PREX2: variants seen among roughly 807,000 people sequenced by gnomAD.
The protein encoded by PREX2 is phosphatidylinositol-3,4,5-trisphosphate dependent Rac exchange factor 2.
PREX2 carries 107 observed loss-of-function variants against 203.2 expected under a neutral mutation model. That is an observed-to-expected ratio of 0.53 (90% CI 0.45 to 0.62). The LOEUF is 0.62. Ranked by LOEUF, PREX2 falls within the 20% of genes least tolerant of loss-of-function variation. PREX2 has a pLI of 0.00. For missense variants in PREX2, 1,777 were observed against 1,955.9 expected (o/e 0.91, Z 1.72); for synonymous variants, 672 against 663.6 (o/e 1.01, Z -0.19).
chr8:68,018,003 A>C (rs1047362621), intron 2 of PREX2, 86 bp downstream of exon 2: 52 of 928,820 alleles, frequency 5.6e-5, no homozygotes, highest in Non-Finnish European at 8.1e-5. Context: ...ACAGCCCTTC[A>C]GTTGATCGGC....
chr8:68,026,311 C>T (rs2129610381), intron 4 of PREX2, among the ~76,000 whole-genome samples: 1 of 152,074 alleles, frequency 6.6e-6, no homozygotes, highest in African/African-American at 2.4e-5. Context: ...CTGATCAACA[C>T]TCAGCCTCTC....
chr8:68,105,501 A>C, intron 23 of PREX2: 2 of 1,156,616 alleles, frequency 1.7e-6, no homozygotes, highest in South Asian at 3.6e-5. Context: ...TAGCAAGAGA[A>C]TCTTCTGCCA....
At position 67,975,694 on chromosome 8, in the gene PREX2, C is replaced by CTTTTTTTTT. The variant is rs67614434; in HGVS notation, c.141+23178_141+23186dup. On this transcript the variant is annotated intron_variant, in intron 1 of 39. Coordinates refer to ENST00000288368, the MANE Select transcript of PREX2 (RefSeq NM_024870.4). ...TCAGGATAGTAACTGATTTCTCTTT[C>CTTTTTTTTT]TTTTTTTTTTTTTTTTTTTTTTTTT... Among the ~76,000 whole-genome samples the CTTTTTTTTT allele has an allele frequency of 2.3e-3, 176 of 75,010 alleles. 30 individuals are homozygous for CTTTTTTTTT. Among genetic ancestry groups the CTTTTTTTTT allele is most frequent in the African/African-American group, 6.7e-3 (113 of 16,856 alleles). 49.2% of individuals were successfully genotyped at this position (75,010 alleles called of 152,430 possible).
At chr8:68,095,035 G>C (rs1483512423) in intron 21 of PREX2, 2 of 152,236 alleles carry the variant, frequency 1.3e-5, no homozygotes. Context: ...GCCTGATGAA[G>C]AGATAAATAG....
At chr8:68,047,502 TATATAC>T (rs1472671011) in intron 8 of PREX2, among the ~76,000 whole-genome samples, 6 of 47,646 alleles carry the variant, frequency 1.3e-4, no homozygotes, top group African/African-American at 9.6e-4. Context: ...TATATATATA[TATATAC>T]ACATACATAT....
intron 7 of PREX2, among the ~76,000 whole-genome samples, chr8:68,042,729 C>T (rs1014292165): frequency 2.0e-5 from 3 of 151,986 alleles, no homozygotes; most frequent in Admixed American, 6.6e-5. Flanking sequence ...ATAGGCTTTT[C>T]AGTCTTTAAG....
intron 1 of PREX2, among the ~76,000 whole-genome samples, chr8:67,980,969 CTT>C (rs1289956361): frequency 6.6e-6 from 1 of 152,214 alleles, no homozygotes; most frequent in Non-Finnish European, 1.5e-5. Context: ...TTCTTCATCA[CTT>C]TGTCCATTCA....
chr8:68,172,346 C>T (rs1022821110), intron 35 of PREX2, among the ~76,000 whole-genome samples: 6 of 152,146 alleles, frequency 3.9e-5, no homozygotes, highest in East Asian at 1.9e-4. Flanking sequence ...TAAAGAACTG[C>T]GGGTACTTGC....
At chr8:68,044,315 A>C (rs536544846) in intron 7 of PREX2, among the ~76,000 whole-genome samples, 172 bp from the exon 8 acceptor site, 16 of 152,154 alleles carry the variant, frequency 1.1e-4, no homozygotes, top group Non-Finnish European at 1.9e-4. Flanking sequence ...TCATTAAAGC[A>C]ACCAGTGCTG....
chr8:68,183,251 A>G (rs2129614457), intron 35 of PREX2, among the ~76,000 whole-genome samples: 2 of 152,248 alleles, frequency 1.3e-5, no homozygotes, highest in South Asian at 4.2e-4. Context: ...AAAAGATCCA[A>G]CCCATGAACT....
chr8:68,130,837 A>G (rs1810995125), intron 31 of PREX2, among the ~76,000 whole-genome samples: 1 of 152,214 alleles, frequency 6.6e-6, no homozygotes, highest in South Asian at 2.1e-4. Context: ...CCCCAGGTCT[A>G]TGGTGACCAG....
At chr8:68,047,488 T>TATATATATATATATATAC (rs1808396114) in intron 8 of PREX2, among the ~76,000 whole-genome samples, 6 of 110,362 alleles carry the variant, frequency 5.4e-5, no homozygotes, top group African/African-American at 3.1e-4. Flanking sequence ...TATATATATA[T>TATATATATATATATATAC]ATATATATAT....
intron 1 of PREX2, among the ~76,000 whole-genome samples, chr8:67,983,522 A>G (rs1806329432): frequency 6.6e-6 from 1 of 152,180 alleles, no homozygotes; most frequent in Admixed American, 6.5e-5. Flanking sequence ...GTGCCATGAT[A>G]GTGAACTTCC....
At chr8:68,230,235 T>A (rs1377514568) in intron 39 of PREX2, among the ~76,000 whole-genome samples, 1 of 152,204 alleles carries the variant, frequency 6.6e-6, no homozygotes. Flanking sequence ...GGAGAGGAAA[T>A]TTATAATTTG....
rs978232980 is a variant in PREX2 at position 67,983,770 on chromosome 8, G to A, written c.141+31235G>A. Among the ~76,000 whole-genome samples, 6 of 152,312 alleles carry A rather than the reference G, an allele frequency of 3.9e-5. No individual in the cohort carries two copies. In the South Asian group the frequency reaches 6.2e-4, roughly 16 times the overall value. On this transcript the variant is annotated intron_variant, in intron 1 of 39. Coordinates refer to ENST00000288368, the MANE Select transcript of PREX2 (RefSeq NM_024870.4). The stretch of plus-strand genomic sequence containing the variant: ...GAGTGCTTCCTTAGTAGTGATTAGG[G>A]TTGTGAGCTCTTCGTGAGCTCTGGG...
intron 37 of PREX2, among the ~76,000 whole-genome samples, chr8:68,212,091 C>T (rs1812752152): frequency 6.6e-6 from 1 of 152,152 alleles, no homozygotes; most frequent in African/African-American, 2.4e-5. Context: ...TGTTTGAGCC[C>T]AGGCTGTTTC....
At chr8:67,977,914 A>G (rs1319443108) in intron 1 of PREX2, among the ~76,000 whole-genome samples, 1 of 152,138 alleles carries the variant, frequency 6.6e-6, no homozygotes, top group Non-Finnish European at 1.5e-5. Context: ...GTTTACCTGT[A>G]TCTTTTGTAA....
chr8:68,181,375 C>T (rs1167927860), intron 35 of PREX2, among the ~76,000 whole-genome samples: 2 of 152,054 alleles, frequency 1.3e-5, no homozygotes, highest in Non-Finnish European at 1.5e-5. Context: ...TTTTTCCTGG[C>T]CTTCCCTCTG....
chr8:67,993,713 A>T (rs551765176), intron 1 of PREX2, among the ~76,000 whole-genome samples: 1 of 152,224 alleles, frequency 6.6e-6, no homozygotes, highest in Admixed American at 6.5e-5. Context: ...TAGCCTTACA[A>T]TATTACTTCA....
Sources: allele counts gnomAD v4.1 joint callset (sites outside exome capture counted in the v4.1 genomes callset), GRCh38; gene constraint gnomAD v4.1.1; transcripts MANE v1.5; gene names NCBI Gene and HGNC (gene_info 2026-07-23, HGNC 2026-07-21).